Variants in SI observed in about 807,000 individuals in gnomAD.
SI encodes the protein sucrase-isomaltase, intestinal.
SI carries 235 observed loss-of-function variants against 253.3 expected under a neutral mutation model. That is an observed-to-expected ratio of 0.93 (90% confidence interval 0.83 to 1.03). SI has a LOEUF of 1.03. Among genes scored for constraint, SI ranks in the 50% least tolerant of loss-of-function variants. SI has a pLI of 0.00. For missense variants in SI, 2,442 were observed against 2,211.1 expected (o/e 1.10, Z -2.09); for synonymous variants, 819 against 712.0 (o/e 1.15, Z -2.39).
chr3:165,012,180 A>T (rs1187390030), intron 34 of SI, among the ~76,000 whole-genome samples: 1 of 152,198 alleles, frequency 6.6e-6, no homozygotes, highest in Non-Finnish European at 1.5e-5. Flanking sequence ...TACATGAAGT[A>T]TCTAAAACAG....
chr3:165,047,051 A>T (rs1417307816), intron 15 of SI, 39 bp from the exon 16 acceptor site: 8 of 1,442,708 alleles, frequency 5.5e-6, no homozygotes, highest in South Asian at 1.2e-5. Flanking sequence ...AATTTATTTT[A>T]AAAAATAAAG....
the SI span, among the ~76,000 whole-genome samples, chr3:165,088,619 C>T: frequency 5.3e-5 from 8 of 151,524 alleles, no homozygotes; most frequent in Admixed American, 2.0e-4. Context: ...CCAGCCTGGG[C>T]GACAGAGTGA....
chr3:164,992,107 T>G (rs1348947155), intron 43 of SI, 70 bp downstream of exon 43: 2 of 1,276,288 alleles, frequency 1.6e-6, no homozygotes, highest in Non-Finnish European at 2.3e-6. Flanking sequence ...ATACCGTTAA[T>G]GAAAAGGCTA....
chr3:165,063,596 GATTAT>G (rs1714085542), intron 7 of SI, 55 bp from the exon 8 acceptor site: 1 of 783,980 alleles, frequency 1.3e-6, no homozygotes, highest in Non-Finnish European at 2.2e-6. Context: ...AACACAAAAA[GATTAT>G]ATATTTTATA....
chr3:165,043,187 A>G lies in SI; in HGVS notation c.1888-12T>C, dbSNP rs757335669. On this transcript the variant is annotated splice_polypyrimidine_tract_variant and intron_variant, in intron 16 of 47. Transcript: ENST00000264382. ...ATGTCTGCTCCAACCTAAATAACAA[A>G]TATATTTACTATTTATAATGTTAAG... The G allele has an allele frequency of 6.5e-7, 1 of 1,539,882 alleles. No homozygotes were observed. Among genetic ancestry groups the G allele is most frequent in the Non-Finnish European group, 9.0e-7 (1 of 1,115,586 alleles).
Position 165,043,079 on chromosome 3 carries a change from G to T in SI, c.1984C>A (p.His662Asn). 2 of 1,608,478 alleles carry T rather than the reference G, an allele frequency of 1.2e-6. No individual in the cohort carries two copies. The highest frequency in any genetic ancestry group is 1.7e-6 in the Non-Finnish European group (2 of 1,175,396). ...CTTACTTCATATCCGTCAGAATTAT[G>T]GTTTCTGGAAAATGGATAAAATGCC... ...LGAFYPFSRN[H>N]NSDGYEHQDP... is the part of the protein sequence containing the mutation. The change falls in exon 17 of 48, where the codon CAT (histidine) becomes AAT (asparagine). Residue 662 changes from histidine (H) to asparagine (N), a missense_variant. Coordinates refer to ENST00000264382, the MANE Select transcript of SI (RefSeq NM_001041.4).
chr3:165,089,689 A>G, the SI span, among the ~76,000 whole-genome samples: 1 of 152,126 alleles, frequency 6.6e-6, no homozygotes, highest in East Asian at 1.9e-4. Flanking sequence ...GCCTTTCCTC[A>G]GGGTCTCTGA....
intron 23 of SI, 93 bp from the exon 24 acceptor site, chr3:165,032,785 A>T (rs1290441571): frequency 1.3e-6 from 1 of 771,896 alleles, no homozygotes; most frequent in East Asian, 2.7e-5. Context: ...AAAGGTCATC[A>T]TCTACATCTC....
intron 37 of SI, among the ~76,000 whole-genome samples, chr3:165,003,911 A>T (rs1350843390): frequency 1.3e-5 from 2 of 152,106 alleles, no homozygotes; most frequent in Admixed American, 1.3e-4. Flanking sequence ...AACAACTAGA[A>T]AACAAATAAC....
chr3:164,989,404 G>A (rs1366644317), intron 44 of SI, among the ~76,000 whole-genome samples: 3 of 141,530 alleles, frequency 2.1e-5, no homozygotes, highest in Admixed American at 7.3e-5. Context: ...AAGAAAGAAA[G>A]AAAGAAAGAA....
In SI at chr3:165,007,479, T is replaced by G. The variant is rs554713577; in HGVS notation, c.4267+432A>C. On this transcript the variant is annotated intron_variant, in intron 36 of 47. Coordinates refer to ENST00000264382, the MANE Select transcript of SI (RefSeq NM_001041.4). ...TAAACAGATAAGTGTTAGCATTCTT[T>G]CCCTTATCCTTAGTAAAGAAACACT... Among the ~76,000 whole-genome samples the G allele has an allele frequency of 1.2e-4, 19 of 152,206 alleles. No individual in the cohort carries two copies. In the South Asian group the frequency reaches 3.9e-3, roughly 32 times the overall value.
intron 3 of SI, among the ~76,000 whole-genome samples, chr3:165,072,444 A>G (rs1714646400): frequency 6.6e-6 from 1 of 152,072 alleles, no homozygotes; most frequent in South Asian, 2.1e-4. Context: ...ACCCTGAGTG[A>G]CAAAGTTTGA....
At chr3:165,052,881 T>C (rs1713502356) in intron 13 of SI, among the ~76,000 whole-genome samples, 1 of 152,056 alleles carries the variant, frequency 6.6e-6, no homozygotes, top group South Asian at 2.1e-4. Flanking sequence ...TTCTAGTTAT[T>C]TGGATATGTA....
intron 28 of SI, 152 bp from the exon 29 acceptor site, chr3:165,018,218 T>A: frequency 1.6e-6 from 1 of 611,052 alleles, no homozygotes; most frequent in African/African-American, 1.8e-5. Context: ...AATAAATGTG[T>A]CTCCCTAGAA....
intron 37 of SI, among the ~76,000 whole-genome samples, chr3:165,001,968 AC>A (rs2108145679): frequency 6.6e-6 from 1 of 151,688 alleles, no homozygotes; most frequent in Non-Finnish European, 1.5e-5. Flanking sequence ...ATAAATATTG[AC>A]TTTTTCCATT....
chr3:165,028,692 G>A (rs1396202676), intron 25 of SI, among the ~76,000 whole-genome samples: 2 of 150,764 alleles, frequency 1.3e-5, no homozygotes. Context: ...GTGAGGAAAG[G>A]ACATCCTATT....
chr3:165,075,134 G>T (rs910582761), intron 2 of SI, among the ~76,000 whole-genome samples: 8 of 151,894 alleles, frequency 5.3e-5, no homozygotes, highest in Non-Finnish European at 1.0e-4. Context: ...GAGAAAGCTG[G>T]AATAGCGAAG....
In SI at chr3:165,062,419, G is replaced by T; in HGVS notation, c.972C>A (p.Tyr324Ter). Residue 324 changes from tyrosine to a stop codon, truncating the protein, a stop_gained, in exon 9 of 48, where the codon TAC (tyrosine) becomes TAA (stop). Transcript: ENST00000264382. LOFTEE classifies it high-confidence loss of function. ...YRVTGGILDFYILLGDTPEQV... is the reference protein window; with the variant it reads ...YRVTGGILDF Reference sequence around the variant, plus strand: ...GTTCTGGTGTATCTCCTAGAAGGATGTAAAAATCCAGAATGCCACCGGTAA... The same window carrying T: ...GTTCTGGTGTATCTCCTAGAAGGATTTAAAAATCCAGAATGCCACCGGTAA... The T allele has an allele frequency of 6.2e-7, 1 of 1,604,734 alleles. No homozygotes were observed. The highest frequency in any genetic ancestry group is 1.7e-5 in the Admixed American group (1 of 59,852).
At chr3:165,028,728 C>T (rs1476014237) in intron 25 of SI, among the ~76,000 whole-genome samples, 1 of 150,530 alleles carries the variant, frequency 6.6e-6, no homozygotes, top group Non-Finnish European at 1.5e-5. Flanking sequence ...CGATTATTGG[C>T]AAGCCACATG....
Sources: allele counts gnomAD v4.1 joint callset (sites outside exome capture counted in the v4.1 genomes callset), GRCh38; gene constraint gnomAD v4.1.1; transcripts MANE v1.5; gene names NCBI Gene and HGNC (gene_info 2026-07-23, HGNC 2026-07-21).